SGCZ: variants seen among roughly 807,000 people sequenced by gnomAD.
SGCZ encodes the protein sarcoglycan zeta.
SGCZ carries 40 observed loss-of-function variants against 41.3 expected under a neutral mutation model. The observed-to-expected ratio is 0.97, with a 90% confidence interval of 0.75 to 1.26. SGCZ has a LOEUF of 1.26. Among genes scored for constraint, SGCZ ranks in the 50% most tolerant of loss-of-function variants. The pLI is 0.00. For synonymous variants in SGCZ, 206 were observed against 137.5 expected, an observed-to-expected ratio of 1.50 and a Z score of -3.49; for missense variants, 552 against 369.8, an observed-to-expected ratio of 1.49 and a Z score of -4.04.
At chr8:15,231,600 T>C (rs1343263242) in intron 1 of SGCZ, among the ~76,000 whole-genome samples, 2 of 150,838 alleles carry the variant, frequency 1.3e-5, no homozygotes, top group Non-Finnish European at 3.0e-5. Flanking sequence ...ACTTTGGATG[T>C]TAATATATTC....
chr8:14,638,750 G>C (rs1358770373), intron 1 of SGCZ, among the ~76,000 whole-genome samples: 1 of 151,764 alleles, frequency 6.6e-6, no homozygotes, highest in Non-Finnish European at 1.5e-5. Context: ...CCTTTATTGT[G>C]CTCCTAGAGA....
intron 1 of SGCZ, among the ~76,000 whole-genome samples, chr8:15,124,228 T>C (rs765916886): frequency 6.6e-6 from 1 of 152,196 alleles, no homozygotes; most frequent in African/African-American, 2.4e-5. Context: ...TGATTTCAAT[T>C]TGAAAAGCAG....
intron 1 of SGCZ, among the ~76,000 whole-genome samples, chr8:14,771,904 T>C (rs1800252691): frequency 6.6e-6 from 1 of 152,170 alleles, no homozygotes; most frequent in Non-Finnish European, 1.5e-5. Context: ...AAAAATGTTT[T>C]TATAATTGGG....
At chr8:14,578,667 G>A (rs1238239158) in intron 1 of SGCZ, among the ~76,000 whole-genome samples, 1 of 152,088 alleles carries the variant, frequency 6.6e-6, no homozygotes, top group African/African-American at 2.4e-5. Context: ...AGAAAATTCG[G>A]TGATGAATAA....
intron 2 of SGCZ, among the ~76,000 whole-genome samples, chr8:14,437,024 C>T (rs557920663): frequency 1.6e-4 from 24 of 152,240 alleles, no homozygotes; most frequent in East Asian, 3.9e-4. Flanking sequence ...TTACCAGGAG[C>T]GGGTTAGACT....
intron 1 of SGCZ, among the ~76,000 whole-genome samples, chr8:14,886,018 T>C (rs1223150355): frequency 1.8e-5 from 2 of 111,850 alleles, no homozygotes; most frequent in African/African-American, 3.4e-5. Flanking sequence ...TATATATATA[T>C]ATATATATAT....
intron 1 of SGCZ, among the ~76,000 whole-genome samples, chr8:14,817,366 G>A (rs1801939804): frequency 6.6e-6 from 1 of 152,120 alleles, no homozygotes; most frequent in African/African-American, 2.4e-5. Flanking sequence ...CTATAAGAGA[G>A]CCCCCAGTCC....
chr8:15,191,517 A>C lies in SGCZ; in HGVS notation c.39+46068T>G, dbSNP rs78055101. ...TTTAAAGAAAACCTTATTATTTTAA[A>C]CCCATCATGTTAGATCTCAAATTCT... On this transcript the variant is annotated intron_variant, in intron 1 of 7. Coordinates refer to ENST00000382080, the MANE Select transcript of SGCZ (RefSeq NM_139167.4). 1.9e-3 allele frequency among the ~76,000 whole-genome samples: 292 copies of C among 152,098 alleles called. 1 individual carries two copies. Among genetic ancestry groups the C allele is most frequent in the Non-Finnish European group, 3.6e-3 (247 of 67,982 alleles).
chr8:14,457,703 T>C (rs897613559), intron 2 of SGCZ, among the ~76,000 whole-genome samples: 1 of 152,170 alleles, frequency 6.6e-6, no homozygotes, highest in Non-Finnish European at 1.5e-5. Flanking sequence ...TTTCTCTTTG[T>C]CTCCTCTCCC....
chr8:14,492,570 A>C (rs1487275389), intron 2 of SGCZ, among the ~76,000 whole-genome samples: 1 of 152,158 alleles, frequency 6.6e-6, no homozygotes, highest in Non-Finnish European at 1.5e-5. Flanking sequence ...AGAAAAGTGA[A>C]AGCTTTTTTT....
chr8:14,985,165 G>A (rs933752887), intron 1 of SGCZ, among the ~76,000 whole-genome samples: 3 of 152,072 alleles, frequency 2.0e-5, no homozygotes, highest in African/African-American at 7.2e-5. Flanking sequence ...GCTTATTGTT[G>A]TCTCCCTTCT....
At chr8:14,878,099 A>T (rs1804433694) in intron 1 of SGCZ, among the ~76,000 whole-genome samples, 1 of 151,902 alleles carries the variant, frequency 6.6e-6, no homozygotes, top group South Asian at 2.1e-4. Flanking sequence ...TTCCCTCTTT[A>T]TTTGAGGGTA....
chr8:14,552,446 G>A (rs1304182582), intron 2 of SGCZ, among the ~76,000 whole-genome samples: 1 of 151,990 alleles, frequency 6.6e-6, no homozygotes, highest in East Asian at 1.9e-4. Context: ...GTTTTCGTGG[G>A]TGAAGGAAGG....
At chr8:14,819,277 G>C (rs542586234) in intron 1 of SGCZ, among the ~76,000 whole-genome samples, 2 of 152,268 alleles carry the variant, frequency 1.3e-5, no homozygotes, top group East Asian at 3.9e-4. Flanking sequence ...ATGAAGAGCT[G>C]AGAATTCTCT....
chr8:14,195,484 A>T (rs1805239015), intron 4 of SGCZ, among the ~76,000 whole-genome samples: 1 of 152,116 alleles, frequency 6.6e-6, no homozygotes, highest in Non-Finnish European at 1.5e-5. Flanking sequence ...CAGAAGACAG[A>T]AAAAAATAAT....
At chr8:14,217,245 G>T (rs910501110) in intron 4 of SGCZ, among the ~76,000 whole-genome samples, 1 of 132,814 alleles carries the variant, frequency 7.5e-6, no homozygotes, top group Non-Finnish European at 1.5e-5. Context: ...GCAGTGAGCC[G>T]AGATTGCACC....
intron 1 of SGCZ, among the ~76,000 whole-genome samples, chr8:15,231,361 C>T (rs117078154): frequency 0.029 from 4,481 of 152,126 alleles, 95 homozygotes; most frequent in Non-Finnish European, 0.045. Flanking sequence ...TTTCAGTCAA[C>T]GTACAAACAT....
At chr8:14,802,120 T>C (rs866964285) in intron 1 of SGCZ, among the ~76,000 whole-genome samples, 14 of 152,240 alleles carry the variant, frequency 9.2e-5, no homozygotes, top group Admixed American at 4.6e-4. Context: ...AGCCAGAAGG[T>C]TGAAAATCTT....
intron 1 of SGCZ, among the ~76,000 whole-genome samples, chr8:15,073,335 G>A (rs753931598): frequency 1.3e-5 from 2 of 152,030 alleles, no homozygotes; most frequent in African/African-American, 2.4e-5. Flanking sequence ...TTTATTTTCC[G>A]AGTTGCTGAG....
Sources: gnomAD v4.1 joint callset for allele counts (sites outside exome capture counted in the v4.1 genomes callset) on GRCh38, gnomAD v4.1.1 for gene constraint, MANE v1.5 for transcripts, NCBI Gene and HGNC (gene_info 2026-07-23, HGNC 2026-07-21) for gene names.